The following AAK1 variants were observed in gnomAD, a reference collection of about 807,000 sequenced individuals.
AAK1 encodes the protein AP2 associated kinase 1, also known as AP2-associated protein kinase 1.
AAK1 carries 37 observed loss-of-function variants against 116.0 expected under a neutral mutation model. The ratio of observed to expected loss-of-function variants is 0.32; its 90% CI spans 0.25 to 0.42. The LOEUF is 0.42. AAK1 is among the 10% of genes least tolerant of loss of function. AAK1 has a pLI of 1.00. For synonymous variants in AAK1, 458 were observed against 439.9 expected (o/e 1.04, Z -0.51); for missense variants, 919 against 1,170.6 (o/e 0.79, Z 3.14).
chr2:69,558,809 G>A (rs1671504151), intron 2 of AAK1, among the ~76,000 whole-genome samples: 1 of 152,198 alleles, frequency 6.6e-6, no homozygotes, highest in East Asian at 1.9e-4. Flanking sequence ...AGGCCTCTGA[G>A]AAATAAAGCC....
At chr2:69,567,832 C>T (rs1196390017) in intron 2 of AAK1, among the ~76,000 whole-genome samples, 1 of 152,194 alleles carries the variant, frequency 6.6e-6, no homozygotes, top group Non-Finnish European at 1.5e-5. Flanking sequence ...ATAATAAATA[C>T]TTGTCCTACA....
intron 2 of AAK1, among the ~76,000 whole-genome samples, chr2:69,568,007 G>A (rs78665067): frequency 0.018 from 2,810 of 152,204 alleles, 87 homozygotes; most frequent in African/African-American, 0.065. Flanking sequence ...CTAATCCACC[G>A]GGGCCACAAT....
intron 2 of AAK1, among the ~76,000 whole-genome samples, chr2:69,622,975 G>T (rs1444579149): frequency 6.9e-6 from 1 of 145,002 alleles, no homozygotes; most frequent in Non-Finnish European, 1.5e-5. Flanking sequence ...TGTGGGTGGG[G>T]CCAAATAAGA....
chr2:69,493,838 C>T (rs1424529310), intron 17 of AAK1, among the ~76,000 whole-genome samples: 1 of 152,140 alleles, frequency 6.6e-6, no homozygotes, highest in Non-Finnish European at 1.5e-5. Flanking sequence ...GAAGGCTTTC[C>T]AAGCTGAGCA....
At position 69,642,987 on chromosome 2, in the gene AAK1, G is replaced by T. The variant is rs56314677; in HGVS notation, c.54C>A (p.Ser18=). 6,253 of 1,611,992 alleles carry T rather than the reference G, an allele frequency of 3.9e-3. 197 individuals are homozygous for T. The African/African-American group carries it at 0.071, about 18-fold the overall frequency. Residue 18 remains serine, a synonymous_variant, in exon 2 of 22, where the codon TCC becomes TCA. Transcript: ENST00000409085. ...TGCTGCCCCCTCCTCCGCTGGAGCCGGAGCCCAGGCCAGAGCCGCCCTGCT... is the reference window on the plus strand; with the variant it reads ...TGCTGCCCCCTCCTCCGCTGGAGCCTGAGCCCAGGCCAGAGCCGCCCTGCT... The part of the protein sequence containing the change: ...RREQGGSGLG[S]GSSGGGGSTS...
intron 2 of AAK1, among the ~76,000 whole-genome samples, chr2:69,569,697 A>G (rs560182909): frequency 3.9e-5 from 6 of 152,118 alleles, no homozygotes; most frequent in Non-Finnish European, 8.8e-5. Context: ...TTCATGTATT[A>G]TTAGTTTAGC....
Position 69,474,962 on chromosome 2 carries a change from C to CCCCCGGGGGGG in AAK1, c.*906_*907insCCCCCCCGGGG. 2.0e-6 allele frequency: 1 copy of CCCCCGGGGGGG among 499,762 alleles called. No homozygotes were observed. 31.0% of individuals were successfully genotyped at this position (499,762 alleles called of 1,614,324 possible). A position where few individuals can be genotyped will look rare whatever the true frequency, so the allele number is the denominator to read the frequency against. On this transcript the variant is annotated 3_prime_UTR_variant, in exon 22 of 22. Transcript: ENST00000409085. ...TGTTTCTGCTACAATTCCTTCCCCT[C>CCCCCGGGGGGG]CCCATCCTCCCCCCACCCCCGCCCC... is the stretch of plus-strand genomic sequence containing the variant.
intron 2 of AAK1, among the ~76,000 whole-genome samples, chr2:69,638,427 T>C (rs913231591): frequency 1.3e-5 from 2 of 152,254 alleles, no homozygotes; most frequent in South Asian, 2.1e-4. Flanking sequence ...TTCCCCACAA[T>C]TGGCACGGGG....
At chr2:69,638,851 A>T (rs1675568460) in intron 2 of AAK1, among the ~76,000 whole-genome samples, 1 of 152,156 alleles carries the variant, frequency 6.6e-6, no homozygotes, top group African/African-American at 2.4e-5. Context: ...GGCCACGCTT[A>T]AGTGCTGGAC....
At chr2:69,478,651 C>T (rs1347366536) in intron 20 of AAK1, 3 of 287,588 alleles carry the variant, frequency 1.0e-5, no homozygotes, top group Admixed American at 5.3e-5. Flanking sequence ...ACTGAGACTC[C>T]GTATGTTGTC....
rs1674459883 is a variant in AAK1 at position 69,465,607 on chromosome 2, C to T, written c.*10262G>A. 1 of 1,290,828 alleles carries T rather than the reference C, an allele frequency of 7.7e-7. No individual in the cohort carries two copies. The allele number at this position is 1,290,828 out of a possible 1,614,324, so 80.0% of individuals were successfully genotyped here. On this transcript the variant is annotated 3_prime_UTR_variant, in exon 22 of 22. Coordinates refer to ENST00000409085, the MANE Select transcript of AAK1 (RefSeq NM_014911.5). ...TGGGCTTCTGGACTTGGCTCGTCTT[C>T]TGGGCTATAGTGACGGGAATACTTG...
chr2:69,564,841 C>A (rs915203378), intron 2 of AAK1, among the ~76,000 whole-genome samples: 4 of 152,120 alleles, frequency 2.6e-5, no homozygotes, highest in African/African-American at 9.7e-5. Flanking sequence ...CAATATCCTC[C>A]CCACCCCCAC....
chr2:69,518,999 C>A lies in AAK1; in HGVS notation c.1452G>T (p.Gln484His), dbSNP rs1676707749. ...QQQQPPPAQQ[Q>H]PAGTFYQQQQ... ...GCTGCTGGTAAAACGTGCCTGCCGG[C>A]TGCTGCTGTGCTGGCGGTGGCTGTT... Residue 484 changes from glutamine (Q) to histidine (H), a missense_variant, in exon 12 of 22, where the codon CAG becomes CAT. Coordinates refer to ENST00000409085, the MANE Select transcript of AAK1 (RefSeq NM_014911.5). The A allele has an allele frequency of 6.5e-7, 1 of 1,549,688 alleles. No individual in the cohort carries two copies. The highest frequency in any genetic ancestry group is 1.2e-5 in the South Asian group (1 of 83,958).
At chr2:69,538,889 A>C (rs753162284) in intron 5 of AAK1, among the ~76,000 whole-genome samples, 19 of 152,216 alleles carry the variant, frequency 1.2e-4, no homozygotes, top group Non-Finnish European at 2.1e-4. Flanking sequence ...CTCAAAAAAA[A>C]ACAAAAAACA....
chr2:69,506,478 C>T (rs1676189672), intron 15 of AAK1, among the ~76,000 whole-genome samples: 1 of 152,184 alleles, frequency 6.6e-6, no homozygotes, highest in South Asian at 2.1e-4. Context: ...ATCCTTCCAC[C>T]TCAGCCTCCC....
intron 5 of AAK1, 63 bp downstream of exon 5, chr2:69,542,460 C>T (rs1013338318): frequency 1.3e-6 from 2 of 1,589,360 alleles, no homozygotes; most frequent in African/African-American, 1.3e-5. Context: ...GTATCTACTC[C>T]ATCCCTGGGG....
intron 6 of AAK1, chr2:69,531,452 T>C (rs904225197): frequency 3.4e-5 from 10 of 292,174 alleles, no homozygotes; most frequent in Non-Finnish European, 4.6e-5. Context: ...TTAGTAGTAA[T>C]AGCGAGTGCT....
intron 16 of AAK1, among the ~76,000 whole-genome samples, chr2:69,497,059 A>G (rs772413482): frequency 2.6e-5 from 4 of 152,144 alleles, no homozygotes; most frequent in Non-Finnish European, 4.4e-5. Flanking sequence ...ATTTCCCCAT[A>G]AAAGAAAATG....
rs765013871 is a variant in AAK1 at position 69,643,026 on chromosome 2, G to T, written c.15C>A (p.Phe5Leu). 1.9e-6 allele frequency: 3 copies of T among 1,603,728 alleles called. No individual in the cohort carries two copies. The highest frequency in any genetic ancestry group is 1.4e-5 in the African/African-American group (1 of 73,982). ...AGCCGCCCTGCTCTCGCCGGGAGTC[G>T]AAAAACTTCTTCATCTTGCGAATAG... MKKF[F>L]DSRREQGGSG... is the part of the protein sequence containing the mutation. Residue 5 changes from phenylalanine to leucine, a missense_variant, in exon 2 of 22, where the codon TTC becomes TTA. Around this residue, in one of 4 missense-constraint regions of AAK1, gnomAD observed 317 missense variants for 490.4 expected, o/e 0.65. Coordinates refer to ENST00000409085, the MANE Select transcript of AAK1 (RefSeq NM_014911.5).
Sources: gnomAD v4.1 joint callset for allele counts (sites outside exome capture counted in the v4.1 genomes callset) on GRCh38, gnomAD v4.1.1 for gene constraint, gnomAD v4.1.1 regional missense constraint, MANE v1.5 for transcripts, NCBI Gene and HGNC (gene_info 2026-07-23, HGNC 2026-07-21) for gene names.